Variants in TBC1D5 observed in about 807,000 individuals in gnomAD.
The protein encoded by TBC1D5 is TBC1 domain family member 5.
TBC1D5 carries 75 observed loss-of-function variants against 100.3 expected under a neutral mutation model. The ratio of observed to expected loss-of-function variants is 0.75; its 90% CI spans 0.62 to 0.91. TBC1D5 has a LOEUF of 0.91. Among genes scored for constraint, TBC1D5 ranks in the 40% least tolerant of loss-of-function variants. TBC1D5 has a pLI of 0.00. For missense variants in TBC1D5, 910 were observed against 942.4 expected (o/e 0.97, Z 0.45); for synonymous variants, 323 against 325.6 (o/e 0.99, Z 0.09).
At chr3:17,446,165 C>T (rs1453240858) in intron 3 of TBC1D5, among the ~76,000 whole-genome samples, 1 of 109,766 alleles carries the variant, frequency 9.1e-6, no homozygotes, top group Non-Finnish European at 1.9e-5. Flanking sequence ...GGTTATTTCT[C>T]CCAACCCCAT....
rs559365157 is a variant in TBC1D5 at position 17,672,888 on chromosome 3, G to A, written c.-100-48975C>T. 7.6e-4 allele frequency among the ~76,000 whole-genome samples: 115 copies of A among 152,280 alleles called. 3 individuals carry two copies. Among genetic ancestry groups the A allele is most frequent in the South Asian group, 6.2e-3 (30 of 4,824 alleles). ...AGCTCCATGAATATCTGTGGAAGAA[G>A]TCTATGCAAAGTATCCTGACCCTTA... On this transcript the variant is annotated intron_variant, in intron 1 of 21. Transcript: ENST00000253692.
At chr3:17,373,305 A>ACC (rs1158537230) in intron 12 of TBC1D5, among the ~76,000 whole-genome samples, 18 of 152,226 alleles carry the variant, frequency 1.2e-4, no homozygotes, top group Admixed American at 9.8e-4. Context: ...CTGAGTAATA[A>ACC]TGGTTTCTAA....
intron 1 of TBC1D5, among the ~76,000 whole-genome samples, chr3:17,693,180 G>A (rs539068488): frequency 6.6e-6 from 1 of 152,328 alleles, no homozygotes; most frequent in East Asian, 1.9e-4. Flanking sequence ...CAGAAGACGG[G>A]TGATATCTGC....
At chr3:17,596,118 G>A (rs2060546720) in intron 2 of TBC1D5, among the ~76,000 whole-genome samples, 1 of 151,840 alleles carries the variant, frequency 6.6e-6, no homozygotes, top group Non-Finnish European at 1.5e-5. Flanking sequence ...CTTTCCCCAT[G>A]TGGAAAAAAA....
intron 15 of TBC1D5, among the ~76,000 whole-genome samples, chr3:17,269,659 T>C (rs942305992): frequency 5.8e-5 from 8 of 139,130 alleles, no homozygotes; most frequent in East Asian, 2.6e-4. Flanking sequence ...CCCTCCCTCC[T>C]TCTGGAGTCT....
chr3:17,327,236 A>C (rs1482189850), intron 13 of TBC1D5, among the ~76,000 whole-genome samples: 5 of 152,180 alleles, frequency 3.3e-5, no homozygotes, highest in Middle Eastern at 3.2e-3. Context: ...TTCTAGTGAA[A>C]AAAAAGATTG....
intron 2 of TBC1D5, among the ~76,000 whole-genome samples, chr3:17,545,782 T>G (rs932423536): frequency 6.6e-6 from 1 of 152,242 alleles, no homozygotes; most frequent in African/African-American, 2.4e-5. Flanking sequence ...ACTCATTATT[T>G]GCTTCCTAGT....
intron 1 of TBC1D5, among the ~76,000 whole-genome samples, chr3:17,632,739 C>G (rs2063599598): frequency 6.6e-6 from 1 of 152,130 alleles, no homozygotes. Flanking sequence ...CATTTTTTAG[C>G]ATGAAGGCTT....
chr3:17,301,237 T>G (rs901669319), intron 14 of TBC1D5, among the ~76,000 whole-genome samples: 4 of 152,184 alleles, frequency 2.6e-5, no homozygotes, highest in Admixed American at 6.5e-5. Flanking sequence ...ATGTTATGTT[T>G]AAAATAGAGA....
intron 3 of TBC1D5, among the ~76,000 whole-genome samples, chr3:17,473,860 T>C (rs117172415): frequency 0.016 from 2,484 of 152,204 alleles, 50 homozygotes; most frequent in South Asian, 0.047. Context: ...TTTTTACCTG[T>C]TCTGCTTTCC....
At chr3:17,611,129 T>C (rs1388796700) in intron 2 of TBC1D5, among the ~76,000 whole-genome samples, 1 of 152,060 alleles carries the variant, frequency 6.6e-6, no homozygotes, top group East Asian at 1.9e-4. Context: ...AAATCAAAAA[T>C]GAATCTTAAA....
At chr3:17,297,997 G>T (rs947473240) in intron 14 of TBC1D5, among the ~76,000 whole-genome samples, 1 of 152,064 alleles carries the variant, frequency 6.6e-6, no homozygotes. Flanking sequence ...AAAATGTCAT[G>T]GAAATGAAGC....
At chr3:17,310,484 T>C (rs2150610605) in intron 13 of TBC1D5, among the ~76,000 whole-genome samples, 1 of 152,132 alleles carries the variant, frequency 6.6e-6, no homozygotes, top group African/African-American at 2.4e-5. Context: ...TGTGAGTGCA[T>C]GTAAAAGACA....
chr3:17,461,009 C>T (rs780282023), intron 3 of TBC1D5, among the ~76,000 whole-genome samples: 3 of 152,026 alleles, frequency 2.0e-5, no homozygotes, highest in Non-Finnish European at 4.4e-5. Flanking sequence ...GTGGTTGATC[C>T]ACAGAACAGT....
At chr3:17,293,366 T>C (rs1397847207) in intron 14 of TBC1D5, among the ~76,000 whole-genome samples, 2 of 152,238 alleles carry the variant, frequency 1.3e-5, no homozygotes, top group African/African-American at 4.8e-5. Context: ...ACTCAAAAAG[T>C]AATTATCTAT....
rs532464797 is a variant in TBC1D5 at position 17,530,223 on chromosome 3, G to A, written c.-35-21618C>T. Among the ~76,000 whole-genome samples, 9 of 138,608 alleles carry A rather than the reference G, an allele frequency of 6.5e-5. No individual in the cohort carries two copies. The East Asian group carries it at 8.5e-4, about 13-fold the overall frequency. The allele number at this position is 138,608 out of a possible 152,430, so 90.9% of individuals were successfully genotyped here. ...CATGCCACTGCATTCCAGTCTGGGC[G>A]ACAGAGCGAGACTTCGTCTCAAAAA... On this transcript the variant is annotated intron_variant, in intron 2 of 21. Coordinates refer to ENST00000253692, the Ensembl canonical transcript of TBC1D5.
intron 1 of TBC1D5, among the ~76,000 whole-genome samples, chr3:17,666,655 G>A (rs2067290008): frequency 6.6e-6 from 1 of 151,934 alleles, no homozygotes; most frequent in African/African-American, 2.4e-5. Context: ...TTTAGATTTG[G>A]AAGAATTGTT....
intron 3 of TBC1D5, among the ~76,000 whole-genome samples, chr3:17,471,670 CAAAAAAAAA>C (rs753132440): frequency 3.1e-4 from 7 of 22,286 alleles, no homozygotes; most frequent in South Asian, 1.3e-3. Context: ...GACTCCGTCT[CAAAAAAAAA>C]AAAAAAAAAA....
rs150314688 is a variant in TBC1D5, at chr3:17,627,619, T to C, written c.-100-3706A>G. ...CAACATTGTTAAACAAGCGGGGTCT[T>C]AGAATGTACTGCAAGGAAGAACAAT... On this transcript the variant is annotated intron_variant, in intron 1 of 21. Transcript: ENST00000253692. 7.9e-4 allele frequency among the ~76,000 whole-genome samples: 118 copies of C among 150,306 alleles called. No homozygotes were observed. The Middle Eastern group carries it at 0.014, about 18-fold the overall frequency.
Sources: gnomAD v4.1 joint callset for allele counts (sites outside exome capture counted in the v4.1 genomes callset) on GRCh38, gnomAD v4.1.1 for gene constraint, MANE v1.5 for transcripts, NCBI Gene and HGNC (gene_info 2026-07-23, HGNC 2026-07-21) for gene names.